Variants in ANKLE2 observed in about 807,000 individuals in gnomAD.
ANKLE2 encodes ankyrin repeat and LEM domain-containing protein 2.
ANKLE2 carries 55 observed loss-of-function variants against 84.2 expected under a neutral mutation model. The ratio of observed to expected loss-of-function variants is 0.65; its 90% CI spans 0.53 to 0.82. The LOEUF (loss-of-function observed/expected upper bound fraction) is 0.82, where lower values mean the gene tolerates loss of function less well. Among genes scored for constraint, ANKLE2 ranks in the 40% least tolerant of loss-of-function variants. The probability of loss-of-function intolerance (pLI) is 0.00; values close to 1 mark genes in which losing one functional copy is unlikely to be tolerated. For missense variants in ANKLE2, 1,238 were observed against 1,201.9 expected, an observed-to-expected ratio of 1.03 and a Z score of -0.44; for synonymous variants, 551 against 486.1, an observed-to-expected ratio of 1.13 and a Z score of -1.76.
rs913213456 is a variant in ANKLE2 at position 132,736,949 on chromosome 12, G to A, written c.1537C>T (p.Pro513Ser). The A allele has an allele frequency of 1.2e-6, 2 of 1,613,880 alleles. No homozygotes were observed. The highest frequency in any genetic ancestry group is 3.3e-5 in the Admixed American group (2 of 60,020). ...CTCAGGGTCAGTACCGGGTCTCTGG[G>A]GCTGCCTCCATAGCGGCTGACGTGA... ...ASHVSRYGGS[P>S]RDPVLTLRAF... Residue 513 changes from proline (P) to serine (S), a missense_variant, in exon 8 of 13, where the codon CCC becomes TCC. Coordinates refer to ENST00000357997, the MANE Select transcript of ANKLE2 (RefSeq NM_015114.3).
At chr12:132,735,548 G>A in intron 8 of ANKLE2, 36 bp from the exon 9 acceptor site, 2 of 1,561,184 alleles carry the variant, frequency 1.3e-6, no homozygotes, top group Non-Finnish European at 8.8e-7. Flanking sequence ...GCCGTGTCAG[G>A]CACTGCGCCC....
rs929596288 is a variant in ANKLE2, at chr12:132,729,923, T to C, written c.2239A>G (p.Ser747Gly). 3 of 1,613,682 alleles carry C rather than the reference T, an allele frequency of 1.9e-6. No homozygotes were observed. In the African/African-American group the frequency reaches 4.0e-5, roughly 22 times the overall value. ...DKLNLQNIGR[S>G]VSKTPDESTK... ...CTTTCATCTGGTGTCTTGGAAACGC[T>C]ACGTCCTATATTTTGCAAATTCAGT... The change falls in exon 11 of 13, where the codon AGC (serine) becomes GGC (glycine). Residue 747 changes from serine to glycine, a missense_variant. By Grantham distance (56) the Ser-to-Gly change is moderately conservative. This residue lies in a region of ANKLE2 where 802 missense variants were observed against 774.5 expected (regional missense o/e 1.04). Coordinates refer to ENST00000357997, the MANE Select transcript of ANKLE2 (RefSeq NM_015114.3).
intron 10 of ANKLE2, chr12:132,730,486 C>T (rs937265996): frequency 5.5e-6 from 3 of 542,546 alleles, no homozygotes; most frequent in East Asian, 2.9e-5. Context: ...AAACCACCCA[C>T]ACGACTCCCT....
chr12:132,759,732 A>G (rs1304714663), intron 1 of ANKLE2: 1 of 142,884 alleles, frequency 7.0e-6, no homozygotes, highest in African/African-American at 3.1e-5. Context: ...AGAGGTGCTT[A>G]ACACATACCA....
intron 1 of ANKLE2, chr12:132,756,558 C>G (rs555467048): frequency 5.3e-5 from 8 of 150,978 alleles, no homozygotes; most frequent in Non-Finnish European, 1.0e-4. Context: ...AAAAAGATGG[C>G]GGGGGGGAGT....
chr12:132,734,177 G>A, intron 10 of ANKLE2: 5 of 606,742 alleles, frequency 8.2e-6, no homozygotes, highest in East Asian at 3.1e-5. Context: ...CCCAGGAGGT[G>A]GAGGTTGCAG....
At chr12:132,731,177 G>A (rs1442094171) in intron 10 of ANKLE2, 1 of 152,228 alleles carries the variant, frequency 6.6e-6, no homozygotes, top group Non-Finnish European at 1.5e-5. Context: ...TGCTACTTAG[G>A]AAATGCCTCA....
In ANKLE2 at chr12:132,755,077, G is replaced by C; in HGVS notation, c.238C>G (p.Leu80Val). Reference protein sequence around the residue: ...ARLKLLNPDDLREEIVKAGLK... With the variant: ...ARLKLLNPDDVREEIVKAGLK... ...CCGGCTTTGACGATTTCTTCTCTAA[G>C]GTCATCTGGATTCAGAAGTTTCAAT... Residue 80 changes from leucine (L) to valine (V), a missense_variant, in exon 2 of 13, where the codon CTT becomes GTT. Transcript: ENST00000357997. 6.2e-7 allele frequency: 1 copy of C among 1,613,370 alleles called. No individual in the cohort carries two copies.
rs146443661 is a variant in ANKLE2 at position 132,755,414 on chromosome 12, G to A, written c.182-281C>T. The A allele has an allele frequency of 0.014, 3,991 of 278,336 alleles. 169 individuals carry two copies. Among genetic ancestry groups the A allele is most frequent in the African/African-American group, 0.084 (3,693 of 44,224 alleles). The allele number at this position is 278,336 out of a possible 1,614,324, so 17.2% of individuals were successfully genotyped here. ...CAAAAAATTAGCCGGGTGTGGTGGC[G>A]GATGCCTGTAATCCCAGCTACTTGG... On this transcript the variant is annotated intron_variant, in intron 1 of 12. Transcript: ENST00000357997.
chr12:132,753,531 C>G (rs536280072), intron 2 of ANKLE2, among the ~76,000 whole-genome samples: 10 of 152,014 alleles, frequency 6.6e-5, no homozygotes, highest in African/African-American at 2.4e-4. Flanking sequence ...TTTGGGAGGC[C>G]GAGGTGGGCA....
intron 7 of ANKLE2, among the ~76,000 whole-genome samples, chr12:132,739,967 AG>A (rs1232139988): frequency 1.3e-5 from 2 of 152,246 alleles, no homozygotes; most frequent in Admixed American, 6.5e-5. Flanking sequence ...CAGATCTTAG[AG>A]GCGACAGTGT....
At chr12:132,733,248 CACT>C (rs2043928296) in intron 10 of ANKLE2, among the ~76,000 whole-genome samples, 1 of 143,678 alleles carries the variant, frequency 7.0e-6, no homozygotes, top group Admixed American at 6.9e-5. Context: ...CCGTGTGAAG[CACT>C]GCGCGTCCTG....
chr12:132,760,096 T>C (rs376540786), intron 1 of ANKLE2: 1 of 138,318 alleles, frequency 7.2e-6, no homozygotes, highest in African/African-American at 2.8e-5. Context: ...ATCGCGCCAC[T>C]GCACTCCAGC....
rs759295270 is a variant in ANKLE2 at position 132,730,238 on chromosome 12, C to G, written c.1924G>C (p.Asp642His). 1.9e-5 allele frequency: 30 copies of G among 1,577,600 alleles called. No homozygotes were observed. The highest frequency in any genetic ancestry group is 2.6e-5 in the Non-Finnish European group (30 of 1,160,162). ...TCTTCCAAGCTCATGTCATCTTCAT[C>G]TAGAAACGCCCTCACGGAAATGGAA... ...SNSISVRAFL[D>H]EDDMSLEEIK... The change falls in exon 11 of 13, where the codon GAT becomes CAT. Residue 642 changes from aspartate to histidine, a missense_variant. By Grantham distance (81) the Asp-to-His change is moderately conservative. Coordinates refer to ENST00000357997, the MANE Select transcript of ANKLE2 (RefSeq NM_015114.3).
intron 6 of ANKLE2, chr12:132,741,723 A>C (rs1483876671): frequency 3.1e-6 from 2 of 636,616 alleles, no homozygotes; most frequent in Non-Finnish European, 5.8e-6. Context: ...TGTTTGCGCT[A>C]CTCGACATTT....
intron 5 of ANKLE2, among the ~76,000 whole-genome samples, chr12:132,744,982 A>C (rs2044205249): frequency 6.6e-6 from 1 of 152,158 alleles, no homozygotes; most frequent in Non-Finnish European, 1.5e-5. Flanking sequence ...ACCCGGCCTC[A>C]CAAATCTTTC....
chr12:132,761,569 G>A, intron 1 of ANKLE2, 49 bp downstream of exon 1: 3 of 1,197,358 alleles, frequency 2.5e-6, no homozygotes, highest in Non-Finnish European at 3.1e-6. Flanking sequence ...GGGCGTCGGG[G>A]CGGGGAAGGG....
chr12:132,732,342 C>G (rs2043880089), intron 10 of ANKLE2: 1 of 137,332 alleles, frequency 7.3e-6, no homozygotes, highest in African/African-American at 2.8e-5. Context: ...CCGTGTGAAG[C>G]TCTCTGCGTC....
chr12:132,749,519 G>A (rs900144699), intron 3 of ANKLE2, among the ~76,000 whole-genome samples: 13 of 152,168 alleles, frequency 8.5e-5, no homozygotes, highest in Non-Finnish European at 1.2e-4. Flanking sequence ...AAGGAAATCC[G>A]TACCTGTTAG....
Sources: gnomAD v4.1 joint callset for allele counts (sites outside exome capture counted in the v4.1 genomes callset) on GRCh38, gnomAD v4.1.1 for gene constraint, gnomAD v4.1.1 regional missense constraint, MANE v1.5 for transcripts, NCBI Gene and HGNC (gene_info 2026-07-23, HGNC 2026-07-21) for gene names.